AGMO: variants seen among roughly 807,000 people sequenced by gnomAD.
The protein encoded by AGMO is alkylglycerol monooxygenase.
AGMO carries 75 observed loss-of-function variants against 60.2 expected under a neutral mutation model. The ratio of observed to expected loss-of-function variants is 1.25; its 90% CI spans 1.03 to 1.51. The LOEUF (loss-of-function observed/expected upper bound fraction) is 1.51, where lower values mean the gene tolerates loss of function less well. Among genes scored for constraint, AGMO ranks in the 40% most tolerant of loss-of-function variants. The pLI is 0.00. For missense variants in AGMO, 763 were observed against 525.5 expected, an observed-to-expected ratio of 1.45 and a Z score of -4.42; for synonymous variants, 261 against 177.1, an observed-to-expected ratio of 1.47 and a Z score of -3.76.
At chr7:15,395,293 T>C (rs1241207741) in intron 5 of AGMO, among the ~76,000 whole-genome samples, 1 of 152,154 alleles carries the variant, frequency 6.6e-6, no homozygotes, top group Non-Finnish European at 1.5e-5. Context: ...GACATTGATA[T>C]GAATTTGATA....
intron 3 of AGMO, among the ~76,000 whole-genome samples, chr7:15,512,422 T>C (rs1200564579): frequency 6.6e-6 from 1 of 152,036 alleles, no homozygotes; most frequent in East Asian, 1.9e-4. Flanking sequence ...CTGGCTAATG[T>C]TTCTGTTTTT....
At chr7:15,474,731 A>C (rs942823806) in intron 3 of AGMO, among the ~76,000 whole-genome samples, 2 of 152,216 alleles carry the variant, frequency 1.3e-5, no homozygotes, top group Non-Finnish European at 2.9e-5. Flanking sequence ...TCTGCACAGC[A>C]AAAGAAACTG....
At chr7:15,285,741 C>T (rs1784081859) in intron 12 of AGMO, among the ~76,000 whole-genome samples, 1 of 151,974 alleles carries the variant, frequency 6.6e-6, no homozygotes, top group African/African-American at 2.4e-5. Context: ...CTGTGGATTA[C>T]AAAAATAACC....
At chr7:15,241,881 G>C (rs914441855) in intron 12 of AGMO, among the ~76,000 whole-genome samples, 3 of 152,130 alleles carry the variant, frequency 2.0e-5, no homozygotes, top group Non-Finnish European at 4.4e-5. Context: ...AGCTCATTCA[G>C]TTTTTGGAAG....
At chr7:15,342,779 CAAAAAAAA>C (rs780336320) in intron 12 of AGMO, among the ~76,000 whole-genome samples, 19 of 61,656 alleles carry the variant, frequency 3.1e-4, no homozygotes, top group African/African-American at 8.9e-4. Context: ...AGTATAGCTG[CAAAAAAAA>C]AAAAAAAAAA....
At chr7:15,558,930 G>A (rs1279895546) in intron 2 of AGMO, among the ~76,000 whole-genome samples, 3 of 151,944 alleles carry the variant, frequency 2.0e-5, no homozygotes, top group South Asian at 4.1e-4. Context: ...CTTAAAACAG[G>A]ACAAGAAGAA....
the AGMO span, among the ~76,000 whole-genome samples, chr7:15,148,296 C>A: frequency 0.59 from 88,933 of 151,564 alleles, 27,118 homozygotes; most frequent in East Asian, 0.72. Context: ...GGTTTGTGGA[C>A]ATAGAGTTCT....
the AGMO span, among the ~76,000 whole-genome samples, chr7:15,129,192 C>G: frequency 6.6e-6 from 1 of 152,068 alleles, no homozygotes; most frequent in African/African-American, 2.4e-5. Flanking sequence ...TGTGGTTTGA[C>G]TTCTGAAATT....
chr7:15,246,905 C>A (rs1456370278), intron 12 of AGMO, among the ~76,000 whole-genome samples: 1 of 152,076 alleles, frequency 6.6e-6, no homozygotes, highest in East Asian at 1.9e-4. Flanking sequence ...AATCTATTTT[C>A]CATCATTCCT....
chr7:15,282,678 G>A (rs1229619656), intron 12 of AGMO, among the ~76,000 whole-genome samples: 1 of 152,188 alleles, frequency 6.6e-6, no homozygotes, highest in Non-Finnish European at 1.5e-5. Context: ...TGGAATAATT[G>A]AGGAAAACTT....
intron 12 of AGMO, among the ~76,000 whole-genome samples, chr7:15,232,338 T>A (rs1480208682): frequency 1.3e-5 from 2 of 152,174 alleles, no homozygotes; most frequent in Non-Finnish European, 2.9e-5. Context: ...TTGCACAAGG[T>A]CATAGCTTTC....
intron 3 of AGMO, among the ~76,000 whole-genome samples, chr7:15,470,588 T>A (rs944808518): frequency 3.3e-5 from 5 of 152,028 alleles, no homozygotes; most frequent in Non-Finnish European, 5.9e-5. Flanking sequence ...TATTGACTTA[T>A]GTTATCTAAG....
At chr7:15,373,294 A>G (rs557864182) in intron 10 of AGMO, among the ~76,000 whole-genome samples, 89 of 151,838 alleles carry the variant, frequency 5.9e-4, no homozygotes, top group African/African-American at 1.9e-3. Flanking sequence ...AAAAAAAATT[A>G]TTTGGTAGCT....
chr7:15,374,928 G>A (rs1460143344), intron 10 of AGMO, among the ~76,000 whole-genome samples: 1 of 152,096 alleles, frequency 6.6e-6, no homozygotes, highest in Non-Finnish European at 1.5e-5. Flanking sequence ...GTGATACCCT[G>A]AAGAAATTAT....
intron 12 of AGMO, among the ~76,000 whole-genome samples, chr7:15,357,247 G>A (rs1018816866): frequency 1.4e-5 from 2 of 146,580 alleles, no homozygotes; most frequent in Non-Finnish European, 3.0e-5. Context: ...GAACCCAAAA[G>A]TACGTATATA....
chr7:15,375,714 T>C (rs1351489970), intron 10 of AGMO, among the ~76,000 whole-genome samples: 1 of 152,120 alleles, frequency 6.6e-6, no homozygotes, highest in Non-Finnish European at 1.5e-5. Context: ...TGGAATACTT[T>C]TAATGAGGAA....
At chr7:15,209,141 G>A (rs995475716) in intron 12 of AGMO, among the ~76,000 whole-genome samples, 3 of 152,130 alleles carry the variant, frequency 2.0e-5, no homozygotes, top group African/African-American at 7.2e-5. Flanking sequence ...ACAGCCCACC[G>A]ATTTTCAGTG....
chr7:15,418,842 G>C (rs529668285), intron 4 of AGMO, among the ~76,000 whole-genome samples, 189 bp from the exon 5 acceptor site: 2 of 151,934 alleles, frequency 1.3e-5, no homozygotes, highest in East Asian at 3.9e-4. Context: ...ACATGTTGGA[G>C]CTAAGGCCAC....
At chr7:15,421,723 G>A (rs1005551010) in intron 4 of AGMO, among the ~76,000 whole-genome samples, 3 of 152,100 alleles carry the variant, frequency 2.0e-5, no homozygotes, top group Non-Finnish European at 4.4e-5. Context: ...TCTATGGGGT[G>A]TATGTCCAGG....
Sources: gnomAD v4.1 joint callset for allele counts (sites outside exome capture counted in the v4.1 genomes callset) on GRCh38, gnomAD v4.1.1 for gene constraint, MANE v1.5 for transcripts, NCBI Gene and HGNC (gene_info 2026-07-23, HGNC 2026-07-21) for gene names.